TAMM41: variants seen among roughly 807,000 people sequenced by gnomAD.
The protein encoded by TAMM41 is TAM41 mitochondrial translocator assembly and maintenance homolog.
A neutral mutation model predicts 44.1 loss-of-function variants in TAMM41; 36 were observed. The observed-to-expected ratio is 0.82, with a 90% CI of 0.63 to 1.08. The LOEUF is 1.08. Among genes scored for constraint, TAMM41 ranks in the 50% least tolerant of loss-of-function variants. The pLI, the probability that TAMM41 is intolerant of heterozygous loss-of-function variation, is 0.00. For synonymous variants in TAMM41, 164 were observed against 153.1 expected (o/e 1.07, Z -0.53); for missense variants, 417 against 404.3 (o/e 1.03, Z -0.27).
the TAMM41 span, among the ~76,000 whole-genome samples, chr3:11,775,449 C>T: frequency 6.6e-6 from 1 of 152,170 alleles, no homozygotes; most frequent in African/African-American, 2.4e-5. Flanking sequence ...CCAAGGTGGC[C>T]AGGACCTAGC....
the TAMM41 span, among the ~76,000 whole-genome samples, chr3:11,777,493 TA>T: frequency 6.6e-6 from 1 of 152,330 alleles, no homozygotes; most frequent in East Asian, 1.9e-4. Flanking sequence ...TTCAGCCATT[TA>T]AAGTGTACAG....
At chr3:11,733,678 G>A in the TAMM41 span, among the ~76,000 whole-genome samples, 1 of 151,788 alleles carries the variant, frequency 6.6e-6, no homozygotes, top group Admixed American at 6.6e-5. Context: ...CGTATTTTTA[G>A]TAGAGACGGG....
intron 7 of TAMM41, among the ~76,000 whole-genome samples, chr3:11,791,192 C>CTTGCCCTGTTCACCTAGG (rs1445505381): frequency 1.3e-5 from 2 of 152,190 alleles, no homozygotes; most frequent in Non-Finnish European, 2.9e-5. Flanking sequence ...GGACAGGGAC[C>CTTGCCCTGTTCACCTAGG]TTGCCCTGTT....
intron 3 of TAMM41, chr3:11,833,152 C>G: frequency 7.8e-7 from 1 of 1,282,998 alleles, no homozygotes; most frequent in Non-Finnish European, 1.0e-6. Context: ...CCAGAGAGGC[C>G]TGGGAAAAAA....
the TAMM41 span, among the ~76,000 whole-genome samples, chr3:11,746,352 A>T: frequency 6.6e-6 from 1 of 152,090 alleles, no homozygotes; most frequent in Non-Finnish European, 1.5e-5. Flanking sequence ...ATGACGCCAG[A>T]AGTGTACAGT....
the TAMM41 span, among the ~76,000 whole-genome samples, chr3:11,750,350 G>A: frequency 0.16 from 24,741 of 151,978 alleles, 2,341 homozygotes; most frequent in African/African-American, 0.25. Context: ...TGTTGCCCAG[G>A]CTGAAGTGCA....
the TAMM41 span, among the ~76,000 whole-genome samples, chr3:11,769,514 C>T: frequency 6.6e-6 from 1 of 152,144 alleles, no homozygotes; most frequent in African/African-American, 2.4e-5. Flanking sequence ...GTTACAACTT[C>T]TCAACTCTGC....
At chr3:11,838,878 C>T (rs1441569382) in intron 3 of TAMM41, among the ~76,000 whole-genome samples, 1 of 152,074 alleles carries the variant, frequency 6.6e-6, no homozygotes, top group Non-Finnish European at 1.5e-5. Flanking sequence ...CTGAATCTAT[C>T]TAGGGGCCCA....
chr3:11,765,704 T>C, the TAMM41 span, among the ~76,000 whole-genome samples: 2 of 33,528 alleles, frequency 6.0e-5, no homozygotes, highest in African/African-American at 2.0e-4. Flanking sequence ...GGAGTCAAAA[T>C]TTTTTTTTTT....
At chr3:11,809,098 G>T (rs1400086155) in intron 6 of TAMM41, 1 of 256,824 alleles carries the variant, frequency 3.9e-6, no homozygotes, top group Non-Finnish European at 7.4e-6. Context: ...CTGAGGGAAT[G>T]TACTCAACAA....
At chr3:11,837,586 G>C (rs899817130) in intron 3 of TAMM41, among the ~76,000 whole-genome samples, 13 of 152,068 alleles carry the variant, frequency 8.5e-5, no homozygotes, top group African/African-American at 2.9e-4. Context: ...AATAGAGAAA[G>C]CATCACCACT....
chr3:11,792,824 G>C (rs974860675), intron 7 of TAMM41, among the ~76,000 whole-genome samples: 1 of 152,140 alleles, frequency 6.6e-6, no homozygotes, highest in Non-Finnish European at 1.5e-5. Context: ...CACTTAGGGA[G>C]GCCGAGGCGG....
chr3:11,799,809 G>GA (rs2077702633), intron 7 of TAMM41, among the ~76,000 whole-genome samples: 1 of 152,116 alleles, frequency 6.6e-6, no homozygotes, highest in African/African-American at 2.4e-5. Context: ...GGTCTAAAGT[G>GA]AAAGTAAAAG....
intron 4 of TAMM41, among the ~76,000 whole-genome samples, chr3:11,823,258 T>TG (rs1559301447): frequency 6.7e-6 from 1 of 148,346 alleles, no homozygotes; most frequent in African/African-American, 2.5e-5. Flanking sequence ...GTTGTTGTTT[T>TG]TTTTTTTTTT....
At chr3:11,837,997 T>C (rs1379731729) in intron 3 of TAMM41, among the ~76,000 whole-genome samples, 1 of 152,178 alleles carries the variant, frequency 6.6e-6, no homozygotes, top group African/African-American at 2.4e-5. Flanking sequence ...CTGAGTGTCC[T>C]ACAACTGAAT....
At chr3:11,790,998 T>A (rs144154206) in intron 7 of TAMM41, among the ~76,000 whole-genome samples, 14 of 152,344 alleles carry the variant, frequency 9.2e-5, no homozygotes, top group African/African-American at 3.1e-4. Flanking sequence ...TGTCTGACTA[T>A]GACAAATGCT....
Position 11,812,911 on chromosome 3 carries a change from G to T in TAMM41, c.709-3229C>A, listed in dbSNP as rs113968719. On this transcript the variant is annotated intron_variant, in intron 5 of 7. Coordinates refer to ENST00000455809, the MANE Select transcript of TAMM41 (RefSeq NM_001284401.2). ...GAAGGGAATCTGGAGGAGTAGCAGA[G>T]ATGGGAGAAGATGAGTCTCAGTTGC... Among the ~76,000 whole-genome samples the T allele has an allele frequency of 3.6e-3, 545 of 152,264 alleles. 5 individuals carry two copies. Among genetic ancestry groups the T allele is most frequent in the African/African-American group, 0.013 (520 of 41,538 alleles).
the TAMM41 span, among the ~76,000 whole-genome samples, chr3:11,725,273 CTCTTCTCCTCCTTCTCCT>C: frequency 7.1e-6 from 1 of 139,974 alleles, no homozygotes; most frequent in African/African-American, 2.7e-5. Flanking sequence ...TTCTTCCTCC[CTCTTCTCCTCCTTCTCCT>C]TCTTCTCCTC....
chr3:11,764,901 T>C, the TAMM41 span, among the ~76,000 whole-genome samples: 1,780 of 152,298 alleles, frequency 0.012, 34 homozygotes, highest in Non-Finnish European at 0.011. Context: ...CACATATTTT[T>C]ACAATTGTTT....
Sources: gnomAD v4.1 joint callset for allele counts (sites outside exome capture counted in the v4.1 genomes callset) on GRCh38, gnomAD v4.1.1 for gene constraint, MANE v1.5 for transcripts, NCBI Gene and HGNC (gene_info 2026-07-23, HGNC 2026-07-21) for gene names.